Variants in NOVA1 observed in about 807,000 individuals in gnomAD.
The protein encoded by NOVA1 is NOVA alternative splicing regulator 1.
A neutral mutation model predicts 38.0 loss-of-function variants in NOVA1; 7 were observed. That is an observed-to-expected ratio of 0.18 (90% CI 0.10 to 0.35). The LOEUF (loss-of-function observed/expected upper bound fraction) is 0.35, where lower values mean the gene tolerates loss of function less well. Ranked by LOEUF, NOVA1 falls within the 10% of genes least tolerant of loss-of-function variation. The pLI, the probability that NOVA1 is intolerant of heterozygous loss-of-function variation, is 1.00. For synonymous variants in NOVA1, 270 were observed against 232.5 expected, an observed-to-expected ratio of 1.16 and a Z score of -1.47; for missense variants, 460 against 616.0, an observed-to-expected ratio of 0.75 and a Z score of 2.68.
chr14:26,498,546 A>G (rs536666061), intron 2 of NOVA1, among the ~76,000 whole-genome samples: 65 of 152,246 alleles, frequency 4.3e-4, no homozygotes, highest in African/African-American at 1.4e-3. Context: ...AAATAATTAT[A>G]TTTAGAGTAA....
chr14:26,499,595 C>A (rs765948104), intron 2 of NOVA1, among the ~76,000 whole-genome samples: 62 of 152,020 alleles, frequency 4.1e-4, no homozygotes, highest in Non-Finnish European at 3.2e-4. Context: ...AGGACTTTGA[C>A]CACTCAGTCT....
At chr14:26,530,077 G>T (rs981198609) in intron 2 of NOVA1, among the ~76,000 whole-genome samples, 1 of 152,044 alleles carries the variant, frequency 6.6e-6, no homozygotes, top group African/African-American at 2.4e-5. Context: ...CCGCCACCAC[G>T]CCTGGCTAAT....
intron 2 of NOVA1, among the ~76,000 whole-genome samples, chr14:26,499,577 A>G (rs1023438219): frequency 6.6e-6 from 1 of 152,078 alleles, no homozygotes; most frequent in Non-Finnish European, 1.5e-5. Context: ...CCTGTAAAAA[A>G]TTTTACAAGG....
intron 2 of NOVA1, among the ~76,000 whole-genome samples, chr14:26,504,992 C>T (rs959431006): frequency 4.4e-5 from 5 of 114,550 alleles, no homozygotes; most frequent in South Asian, 2.9e-4. Context: ...GTGGCAGTGA[C>T]GGCAGAAATT....
chr14:26,589,071 A>G (rs575815347), intron 2 of NOVA1, among the ~76,000 whole-genome samples: 98 of 151,732 alleles, frequency 6.5e-4, no homozygotes, highest in African/African-American at 2.3e-3. Context: ...TTCAATGGAT[A>G]CCAAAAAATT....
At chr14:26,486,873 T>C (rs1885959189) in intron 2 of NOVA1, among the ~76,000 whole-genome samples, 1 of 151,994 alleles carries the variant, frequency 6.6e-6, no homozygotes, top group African/African-American at 2.4e-5. Context: ...ACTTTAATGC[T>C]TTCTTCTTAA....
chr14:26,469,005 A>G (rs1269288011), intron 4 of NOVA1, among the ~76,000 whole-genome samples: 1 of 152,186 alleles, frequency 6.6e-6, no homozygotes, highest in Non-Finnish European at 1.5e-5. Context: ...CTTAGTATTA[A>G]TAACTTAGAA....
At chr14:26,490,451 TC>T (rs1886246228) in intron 2 of NOVA1, among the ~76,000 whole-genome samples, 1 of 151,888 alleles carries the variant, frequency 6.6e-6, no homozygotes, top group Admixed American at 6.6e-5. Flanking sequence ...CCATTTTACA[TC>T]CCCAACAACA....
chr14:26,528,274 G>A (rs1339559015), intron 2 of NOVA1, among the ~76,000 whole-genome samples: 2 of 152,114 alleles, frequency 1.3e-5, no homozygotes, highest in Admixed American at 6.6e-5. Context: ...CTAGGTTTAG[G>A]CAGTTAGGGA....
Position 26,586,649 on chromosome 14 carries a change from G to T in NOVA1, c.280+8761C>A, listed in dbSNP as rs185147703. On this transcript the variant is annotated intron_variant, in intron 2 of 4. Coordinates refer to ENST00000539517, the MANE Select transcript of NOVA1 (RefSeq NM_002515.3). ...GCTAAGGAATGATGAAAGCAAGAAA[G>T]AAAAAAAGTACAAATGAAGAAAAAT... Among the ~76,000 whole-genome samples the T allele has an allele frequency of 1.9e-4, 28 of 150,784 alleles. 1 individual carries two copies. In the East Asian group the frequency reaches 4.3e-3, roughly 23 times the overall value.
chr14:26,497,787 A>C (rs1025861264), intron 2 of NOVA1, among the ~76,000 whole-genome samples: 1 of 152,212 alleles, frequency 6.6e-6, no homozygotes, highest in Non-Finnish European at 1.5e-5. Flanking sequence ...AATTAAACTT[A>C]GTCACCGTAA....
chr14:26,558,010 G>A (rs1891598669), intron 2 of NOVA1, among the ~76,000 whole-genome samples: 3 of 150,138 alleles, frequency 2.0e-5, no homozygotes, highest in South Asian at 4.2e-4. Flanking sequence ...AAAAAAAAAA[G>A]GTCAATCTAA....
chr14:26,507,467 GT>G (rs1225095400), intron 2 of NOVA1, among the ~76,000 whole-genome samples: 1 of 152,030 alleles, frequency 6.6e-6, no homozygotes, highest in African/African-American at 2.4e-5. Flanking sequence ...TATAAAGAGT[GT>G]TTTTTATGAA....
intron 2 of NOVA1, among the ~76,000 whole-genome samples, chr14:26,523,727 T>G (rs573379981): frequency 6.6e-6 from 1 of 152,158 alleles, no homozygotes; most frequent in African/African-American, 2.4e-5. Context: ...TTTTTTCTTT[T>G]TTTTCCCTAT....
chr14:26,491,996 A>G (rs1886384955), intron 2 of NOVA1, among the ~76,000 whole-genome samples: 1 of 152,056 alleles, frequency 6.6e-6, no homozygotes, highest in African/African-American at 2.4e-5. Flanking sequence ...TTTGATAGCA[A>G]TTAAGTCGAG....
At position 26,535,966 on chromosome 14, in the gene NOVA1, G is replaced by A. The variant is rs182730678; in HGVS notation, c.281-55823C>T. On this transcript the variant is annotated intron_variant, in intron 2 of 4. Coordinates refer to ENST00000539517, the MANE Select transcript of NOVA1 (RefSeq NM_002515.3). ...TGCACTCCAGCCTGGGCAACAAAGC[G>A]AGACTCCGTCTCAAAAAAAAAAAAA... is the stretch of plus-strand genomic sequence containing the variant. 3.2e-4 allele frequency among the ~76,000 whole-genome samples: 45 copies of A among 141,612 alleles called. 1 individual carries two copies. The East Asian group carries it at 7.1e-3, about 22-fold the overall frequency. The allele number at this position is 141,612 out of a possible 152,430, so 92.9% of individuals were successfully genotyped here.
intron 2 of NOVA1, among the ~76,000 whole-genome samples, chr14:26,556,258 T>C (rs1487457295): frequency 2.6e-5 from 4 of 152,108 alleles, no homozygotes; most frequent in Non-Finnish European, 4.4e-5. Flanking sequence ...AAAACAATAG[T>C]AATCAAGACA....
intron 2 of NOVA1, among the ~76,000 whole-genome samples, chr14:26,581,523 T>C (rs1893221217): frequency 6.6e-6 from 1 of 152,022 alleles, no homozygotes; most frequent in African/African-American, 2.4e-5. Flanking sequence ...CTAATGTCAA[T>C]ATGAAAATAG....
chr14:26,558,885 G>A (rs1212784537), intron 2 of NOVA1, among the ~76,000 whole-genome samples: 1 of 152,036 alleles, frequency 6.6e-6, no homozygotes, highest in Non-Finnish European at 1.5e-5. Context: ...TATTAGGATG[G>A]AATAAGGTAA....
Sources: allele counts gnomAD v4.1 joint callset (sites outside exome capture counted in the v4.1 genomes callset), GRCh38; gene constraint gnomAD v4.1.1; transcripts MANE v1.5; gene names NCBI Gene and HGNC (gene_info 2026-07-23, HGNC 2026-07-21).